Variants in ZNF354A observed in about 807,000 individuals in gnomAD.
ZNF354A encodes the protein zinc finger protein 354A, also known as epididymis luminal protein 104.
A neutral mutation model predicts 53.3 loss-of-function variants in ZNF354A; 25 were observed. The ratio of observed to expected loss-of-function variants is 0.47; its 90% CI spans 0.34 to 0.66. ZNF354A has a LOEUF of 0.66. ZNF354A is among the 30% of genes least tolerant of loss of function. The pLI is 0.01. For synonymous variants in ZNF354A, 228 were observed against 249.0 expected, an observed-to-expected ratio of 0.92 and a Z score of 0.79; for missense variants, 586 against 716.8, an observed-to-expected ratio of 0.82 and a Z score of 2.08.
intron 4 of ZNF354A, among the ~76,000 whole-genome samples, chr5:178,715,398 AT>A (rs879409005): frequency 3.3e-5 from 5 of 150,652 alleles, no homozygotes; most frequent in African/African-American, 9.8e-5. Context: ...AGGGTTTTGG[AT>A]TTTTTTTTCA....
intron 2 of ZNF354A, among the ~76,000 whole-genome samples, chr5:178,728,782 C>CAAA (rs1157233878): frequency 0.035 from 1,772 of 50,862 alleles, 65 homozygotes; most frequent in Middle Eastern, 0.083. Flanking sequence ...AAGCGAGATT[C>CAAA]AAAAAAAAAA....
intron 4 of ZNF354A, among the ~76,000 whole-genome samples, chr5:178,716,117 G>A (rs1184869878): frequency 4.0e-5 from 6 of 151,872 alleles, no homozygotes; most frequent in Admixed American, 3.9e-4. Flanking sequence ...GGCTGGTCTC[G>A]AACTCCTGAT....
At chr5:178,726,400 C>G (rs1805122100) in intron 3 of ZNF354A, among the ~76,000 whole-genome samples, 1 of 151,630 alleles carries the variant, frequency 6.6e-6, no homozygotes, top group Non-Finnish European at 1.5e-5. Flanking sequence ...AAGCTCCTCG[C>G]CATTCTCCTG....
chr5:178,726,770 A>G lies in ZNF354A; in HGVS notation c.160+229T>C, dbSNP rs551999238. Among the ~76,000 whole-genome samples, 5 of 152,300 alleles carry G rather than the reference A, an allele frequency of 3.3e-5. No individual in the cohort carries two copies. In the South Asian group the frequency reaches 1.0e-3, roughly 32 times the overall value. On this transcript the variant is annotated intron_variant, in intron 3 of 4. Coordinates refer to ENST00000335815, the MANE Select transcript of ZNF354A (RefSeq NM_005649.3). Reference sequence around the variant, plus strand: ...ACAAACTTGGAGTGTGTGATTACATAGAGAGAGAGGAATGATTATCAATAC... The same window carrying G: ...ACAAACTTGGAGTGTGTGATTACATGGAGAGAGAGGAATGATTATCAATAC...
At chr5:178,723,023 C>T (rs1310443968) in intron 4 of ZNF354A, among the ~76,000 whole-genome samples, 1 of 152,216 alleles carries the variant, frequency 6.6e-6, no homozygotes, top group South Asian at 2.1e-4. Flanking sequence ...CCATGACACA[C>T]TGCAGGGCGG....
chr5:178,727,619 G>A (rs964650250), intron 2 of ZNF354A, among the ~76,000 whole-genome samples: 4 of 152,142 alleles, frequency 2.6e-5, no homozygotes, highest in Non-Finnish European at 5.9e-5. Context: ...TAGTAATGAC[G>A]AAAAGTAAAA....
intron 4 of ZNF354A, among the ~76,000 whole-genome samples, chr5:178,724,807 T>C (rs569371510): frequency 1.3e-4 from 20 of 152,344 alleles, no homozygotes; most frequent in Middle Eastern, 6.8e-3. Flanking sequence ...CTGTAACTTT[T>C]TGGGAGCTCT....
At chr5:178,720,512 G>C (rs912944283) in intron 4 of ZNF354A, among the ~76,000 whole-genome samples, 1 of 152,210 alleles carries the variant, frequency 6.6e-6, no homozygotes, top group Non-Finnish European at 1.5e-5. Context: ...AGATAGGACT[G>C]ATGCAGCTGC....
At chr5:178,722,769 A>G (rs1013163463) in intron 4 of ZNF354A, among the ~76,000 whole-genome samples, 4 of 152,250 alleles carry the variant, frequency 2.6e-5, no homozygotes, top group Admixed American at 2.6e-4. Context: ...GCAGAGGCAG[A>G]GACAGATCAT....
intron 4 of ZNF354A, 40 bp from the exon 5 acceptor site, chr5:178,713,661 T>C (rs1240510584): frequency 6.6e-7 from 1 of 1,508,196 alleles, no homozygotes; most frequent in Non-Finnish European, 8.8e-7. Context: ...TCATGTGATA[T>C]CATAGCATCT....
At chr5:178,728,709 AT>A (rs1765960902) in intron 2 of ZNF354A, among the ~76,000 whole-genome samples, 1 of 147,608 alleles carries the variant, frequency 6.8e-6, no homozygotes, top group South Asian at 2.2e-4. Flanking sequence ...AGGCAGGAGA[AT>A]TGCTTCAACC....
intron 4 of ZNF354A, among the ~76,000 whole-genome samples, chr5:178,717,820 G>A (rs1286171571): frequency 2.6e-5 from 4 of 152,156 alleles, no homozygotes; most frequent in African/African-American, 9.7e-5. Context: ...AAGTACTTCA[G>A]GGAGGAGTGA....
intron 1 of ZNF354A, among the ~76,000 whole-genome samples, chr5:178,729,556 CT>C (rs113489869): frequency 6.1e-4 from 89 of 146,454 alleles, no homozygotes; most frequent in Admixed American, 1.3e-3. Context: ...CGGAAAACGG[CT>C]TTTTTTTTTT....
In ZNF354A at chr5:178,712,279, T is replaced by C. The variant is rs1765633198; in HGVS notation, c.1599A>G (p.Gln533=). 1.9e-6 allele frequency: 3 copies of C among 1,613,978 alleles called. No homozygotes were observed. The highest frequency in any genetic ancestry group is 2.5e-6 in the Non-Finnish European group (3 of 1,179,992). The change falls in exon 5 of 5, where the codon CAA becomes CAG. Residue 533 remains glutamine (Q), a synonymous_variant. Transcript: ENST00000335815. ...TTCGATGCTGAATAAGAGCTGAACT[T>C]TGGCCAAAAGATATCCCACATTCCT... ...RCEECGISFG[Q]SSALIQHRRI...
intron 4 of ZNF354A, among the ~76,000 whole-genome samples, chr5:178,717,118 A>G (rs536150267): frequency 6.6e-6 from 1 of 152,062 alleles, no homozygotes; most frequent in South Asian, 2.1e-4. Flanking sequence ...ATAAAAAACA[A>G]AAGAGTGGAG....
intron 4 of ZNF354A, among the ~76,000 whole-genome samples, chr5:178,719,467 T>C (rs1405476232): frequency 6.6e-6 from 1 of 152,172 alleles, no homozygotes; most frequent in Admixed American, 6.5e-5. Context: ...TGCTGGAGTG[T>C]TTCGTAAGAA....
rs1482696171 is a variant in ZNF354A at position 178,713,495 on chromosome 5, T to A, written c.383A>T (p.Tyr128Phe). Reference sequence around the variant, plus strand: ...CTGCTTTTTCTCTAATCTGCCTTCATATATGTAAGGCTTTTCTAATTTCAA... The same window carrying A: ...CTGCTTTTTCTCTAATCTGCCTTCAAATATGTAAGGCTTTTCTAATTTCAA... ...WDLKLEKPYI[Y>F]EGRLEKKQDK... The change falls in exon 5 of 5, where the codon TAT becomes TTT. Residue 128 changes from tyrosine (Y) to phenylalanine (F), a missense_variant. By Grantham distance (22) the Tyr-to-Phe change is conservative. Transcript: ENST00000335815. 6.2e-7 allele frequency: 1 copy of A among 1,613,936 alleles called. No individual in the cohort carries two copies. Among genetic ancestry groups the A allele is most frequent in the Non-Finnish European group, 8.5e-7 (1 of 1,179,994 alleles).
Position 178,712,155 on chromosome 5 carries a change from C to G in ZNF354A, c.1723G>C (p.Glu575Gln). ...CATGTATTACATTCATAGGGTTTCT[C>G]TCCAGTATGAATTCTCTGATGTGCA... ...RIAHQRIHTGEKPYECNTCGK... is the reference protein window; with the variant it reads ...RIAHQRIHTGQKPYECNTCGK... The change falls in exon 5 of 5, where the codon GAG (glutamate) becomes CAG (glutamine). Residue 575 changes from glutamate (E) to glutamine (Q), a missense_variant. Glu to Gln is a conservative substitution (Grantham distance 29). Coordinates refer to ENST00000335815, the MANE Select transcript of ZNF354A (RefSeq NM_005649.3). 1 of 1,614,104 alleles carries G rather than the reference C, an allele frequency of 6.2e-7. No homozygotes were observed.
chr5:178,720,677 G>A (rs1408222335), intron 4 of ZNF354A, among the ~76,000 whole-genome samples: 1 of 152,190 alleles, frequency 6.6e-6, no homozygotes, highest in African/African-American at 2.4e-5. Context: ...TTTAAGCCAC[G>A]AAGCTTGTGG....
Sources: allele counts gnomAD v4.1 joint callset (sites outside exome capture counted in the v4.1 genomes callset), GRCh38; gene constraint gnomAD v4.1.1; transcripts MANE v1.5; gene names NCBI Gene and HGNC (gene_info 2026-07-23, HGNC 2026-07-21).